Variants in CSMD1 observed in about 807,000 individuals in gnomAD.
The protein encoded by CSMD1 is CUB and Sushi multiple domains 1, also known as CUB and sushi domain-containing protein 1.
A neutral mutation model predicts 417.5 loss-of-function variants in CSMD1; 213 were observed. That is an observed-to-expected ratio of 0.51 (90% CI 0.46 to 0.57). The LOEUF is 0.57. CSMD1 is among the 20% of genes least tolerant of loss of function. The pLI, the probability that CSMD1 is intolerant of heterozygous loss-of-function variation, is 0.00. For missense variants in CSMD1, 6,923 were observed against 4,529.7 expected (o/e 1.53, Z -15.17); for synonymous variants, 2,862 against 1,736.8 (o/e 1.65, Z -16.11).
In CSMD1 at chr8:4,395,066, G is replaced by C. The variant is rs56874376; in HGVS notation, c.415+24887C>G. Among the ~76,000 whole-genome samples, 656 of 152,268 alleles carry C rather than the reference G, an allele frequency of 4.3e-3. 38 individuals are homozygous for C. In the East Asian group the frequency reaches 0.11, roughly 26 times the overall value. The stretch of plus-strand genomic sequence containing the variant: ...CCCTTTCCCGTGCTGGACAGCTCCA[G>C]GGTGTCCTGGCACCTCCTGCACCCA... On this transcript the variant is annotated intron_variant, in intron 3 of 69. Coordinates refer to ENST00000635120, the MANE Select transcript of CSMD1 (RefSeq NM_033225.6).
intron 7 of CSMD1, among the ~76,000 whole-genome samples, chr8:3,638,217 G>A (rs904972805): frequency 5.3e-5 from 8 of 152,028 alleles, no homozygotes; most frequent in Admixed American, 2.0e-4. Context: ...GTTCAGAACT[G>A]GGCTTTAAAA....
chr8:3,687,381 G>C (rs778853215), intron 7 of CSMD1, among the ~76,000 whole-genome samples: 2 of 152,182 alleles, frequency 1.3e-5, no homozygotes, highest in Non-Finnish European at 1.5e-5. Context: ...ATGGTGAGCA[G>C]GGATATGGAA....
intron 10 of CSMD1, among the ~76,000 whole-genome samples, chr8:3,505,908 G>T (rs368913251): frequency 6.6e-6 from 1 of 152,094 alleles, no homozygotes; most frequent in Admixed American, 6.6e-5. Context: ...ACTTAAGGAG[G>T]TTCTTTACAA....
intron 3 of CSMD1, among the ~76,000 whole-genome samples, chr8:4,366,049 A>G (rs1357633507): frequency 6.6e-6 from 1 of 152,054 alleles, no homozygotes. Context: ...ACAGTACCTG[A>G]CAGATAGCCT....
At chr8:3,769,232 G>A (rs1049060737) in intron 5 of CSMD1, among the ~76,000 whole-genome samples, 1 of 152,082 alleles carries the variant, frequency 6.6e-6, no homozygotes, top group African/African-American at 2.4e-5. Flanking sequence ...ACACTCGAAG[G>A]CAATTTGATC....
intron 62 of CSMD1, 22 bp from the exon 63 acceptor site, chr8:2,957,829 A>G (rs752884199): frequency 3.4e-6 from 5 of 1,481,586 alleles, no homozygotes; most frequent in Non-Finnish European, 4.6e-6. Context: ...ATCCAATACT[A>G]GCTTCAGAGG....
At chr8:4,462,960 C>T (rs1799927880) in intron 2 of CSMD1, among the ~76,000 whole-genome samples, 1 of 152,084 alleles carries the variant, frequency 6.6e-6, no homozygotes, top group Admixed American at 6.6e-5. Context: ...AACTGGAATT[C>T]ATCAAAATTT....
At chr8:4,828,032 A>G (rs1294743067) in intron 1 of CSMD1, among the ~76,000 whole-genome samples, 2 of 152,194 alleles carry the variant, frequency 1.3e-5, no homozygotes, top group Non-Finnish European at 2.9e-5. Flanking sequence ...TAAGCCAGCT[A>G]CAATCAAAAG....
intron 5 of CSMD1, among the ~76,000 whole-genome samples, chr8:3,872,000 T>C (rs143752254): frequency 1.5e-4 from 23 of 152,322 alleles, no homozygotes; most frequent in African/African-American, 5.1e-4. Context: ...TCCTATGCAA[T>C]GGTGTGCAGT....
chr8:3,845,120 A>C (rs1022791066), intron 5 of CSMD1, among the ~76,000 whole-genome samples: 1 of 152,236 alleles, frequency 6.6e-6, no homozygotes, highest in African/African-American at 2.4e-5. Flanking sequence ...ATCAACTATA[A>C]GGCAAATCTG....
At chr8:2,969,482 T>C (rs1804248929) in intron 57 of CSMD1, among the ~76,000 whole-genome samples, 1 of 152,232 alleles carries the variant, frequency 6.6e-6, no homozygotes, top group Non-Finnish European at 1.5e-5. Context: ...GCAATATAAA[T>C]TCTTTGAGTT....
chr8:3,666,192 G>C (rs574783602), intron 7 of CSMD1, among the ~76,000 whole-genome samples: 51 of 152,268 alleles, frequency 3.3e-4, no homozygotes, highest in Non-Finnish European at 5.3e-4. Context: ...CACCACGCTT[G>C]GCTTGATGCT....
At chr8:4,892,678 C>T (rs1454217053) in intron 1 of CSMD1, among the ~76,000 whole-genome samples, 1 of 151,988 alleles carries the variant, frequency 6.6e-6, no homozygotes, top group Non-Finnish European at 1.5e-5. Flanking sequence ...GTTTTCTATG[C>T]ATTCATATAG....
chr8:4,174,037 G>A (rs1005371560), intron 3 of CSMD1, among the ~76,000 whole-genome samples: 2 of 152,188 alleles, frequency 1.3e-5, no homozygotes, highest in Non-Finnish European at 2.9e-5. Context: ...AATGCCCTGA[G>A]TTCATTGGTT....
Position 4,361,962 on chromosome 8 carries a change from C to G in CSMD1, c.415+57991G>C, listed in dbSNP as rs567769603. On this transcript the variant is annotated intron_variant, in intron 3 of 69. Transcript: ENST00000635120. The stretch of plus-strand genomic sequence containing the variant: ...CCTGGGCAACACAGCAAGACTCCAT[C>G]TCAAAATAAATAAATAAATAAATAA... 2.4e-3 allele frequency among the ~76,000 whole-genome samples: 358 copies of G among 150,840 alleles called. 1 individual carries two copies. Among genetic ancestry groups the G allele is most frequent in the African/African-American group, 8.4e-3 (346 of 41,160 alleles).
intron 7 of CSMD1, among the ~76,000 whole-genome samples, chr8:3,652,845 G>A (rs1432251053): frequency 6.6e-6 from 1 of 152,074 alleles, no homozygotes; most frequent in Admixed American, 6.6e-5. Context: ...CTACCGTATT[G>A]GCAGAACCTA....
intron 1 of CSMD1, among the ~76,000 whole-genome samples, chr8:4,942,420 G>C (rs528563238): frequency 2.0e-5 from 3 of 152,128 alleles, no homozygotes; most frequent in South Asian, 4.2e-4. Flanking sequence ...GGAATTCACA[G>C]TTATCTACAT....
At chr8:3,560,378 T>G (rs556729951) in intron 10 of CSMD1, among the ~76,000 whole-genome samples, 98 of 152,236 alleles carry the variant, frequency 6.4e-4, no homozygotes, top group African/African-American at 2.3e-3. Context: ...ATGAGGACAT[T>G]GAGAGTCAAG....
intron 7 of CSMD1, among the ~76,000 whole-genome samples, chr8:3,646,582 A>G (rs756927834): frequency 6.6e-6 from 1 of 152,224 alleles, no homozygotes; most frequent in Non-Finnish European, 1.5e-5. Context: ...GATTCTCAGT[A>G]GGACCGCCCA....
Sources: gnomAD v4.1 joint callset for allele counts (sites outside exome capture counted in the v4.1 genomes callset) on GRCh38, gnomAD v4.1.1 for gene constraint, MANE v1.5 for transcripts, NCBI Gene and HGNC (gene_info 2026-07-23, HGNC 2026-07-21) for gene names.